The following PEBP4 variants were observed in gnomAD, a reference collection of about 807,000 sequenced individuals.
PEBP4 encodes phosphatidylethanolamine-binding protein 4.
In PEBP4, 22 loss-of-function variants were observed where a neutral mutation model predicts 23.9. The observed-to-expected ratio is 0.92, with a 90% confidence interval of 0.66 to 1.31. The LOEUF (loss-of-function observed/expected upper bound fraction) is 1.31. Ranked by LOEUF, PEBP4 falls within the 40% of genes most tolerant of loss-of-function variation. PEBP4 has a pLI of 0.00. For missense variants in PEBP4, 324 were observed against 281.7 expected (o/e 1.15, Z -1.07); for synonymous variants, 112 against 99.3 (o/e 1.13, Z -0.76).
rs376099667 is a variant in PEBP4 at position 22,883,622 on chromosome 8, G to A, written c.258+36562C>T. Among the ~76,000 whole-genome samples, 125 of 152,266 alleles carry A rather than the reference G, an allele frequency of 8.2e-4. 1 individual carries two copies. In the South Asian group the frequency reaches 0.022, roughly 26 times the overall value. On this transcript the variant is annotated intron_variant, in intron 3 of 6. Coordinates refer to ENST00000256404, the MANE Select transcript of PEBP4 (RefSeq NM_144962.3). ...GCTAATGAGTCGTCTTGAACCTTGC[G>A]TGGTGTTACCTCTAATTTTGCAGCC... is the stretch of plus-strand genomic sequence containing the variant.
At chr8:22,793,070 A>C (rs1806172742) in intron 4 of PEBP4, among the ~76,000 whole-genome samples, 1 of 152,178 alleles carries the variant, frequency 6.6e-6, no homozygotes, top group African/African-American at 2.4e-5. Context: ...TATAAAAATC[A>C]CTCATAATCG....
rs367814542 is a variant in PEBP4 at position 22,763,409 on chromosome 8, G to C, written c.358-36189C>G. Among the ~76,000 whole-genome samples, 460 of 152,306 alleles carry C rather than the reference G, an allele frequency of 3.0e-3. 4 individuals carry two copies. Among genetic ancestry groups the C allele is most frequent in the African/African-American group, 0.011 (440 of 41,562 alleles). On this transcript the variant is annotated intron_variant, in intron 4 of 6. Transcript: ENST00000256404. ...GCTCTGGACACTGCCTCCAATCCCC[G>C]ACAGCGGTCAGATCATCACTGTGTA...
chr8:22,839,990 G>A (rs1807289415), intron 3 of PEBP4, among the ~76,000 whole-genome samples: 2 of 152,224 alleles, frequency 1.3e-5, no homozygotes, highest in Non-Finnish European at 2.9e-5. Flanking sequence ...TCAAGGAAGT[G>A]TTTTCATTTA....
intron 3 of PEBP4, chr8:22,888,077 G>T (rs554911421): frequency 1.3e-5 from 2 of 151,946 alleles, no homozygotes; most frequent in African/African-American, 4.8e-5. Flanking sequence ...GGCCTGCAGG[G>T]GACTCCACAC....
chr8:22,734,145 C>T (rs1396836817), intron 4 of PEBP4, among the ~76,000 whole-genome samples: 5 of 152,322 alleles, frequency 3.3e-5, no homozygotes, highest in African/African-American at 4.8e-5. Context: ...TCTGTGTATT[C>T]GGCAATTAAC....
At position 22,920,247 on chromosome 8, in the gene PEBP4, G is replaced by C. The variant is rs559505863; in HGVS notation, c.195C>G (p.Asn65Lys). The change falls in exon 3 of 7, where the codon AAC becomes AAG. Residue 65 changes from asparagine to lysine, a missense_variant. By Grantham distance (94) the Asn-to-Lys change is moderately conservative. Transcript: ENST00000256404. ...AGGAGGTGATCTTCTGTCTGTAGTTGTTACAATCAGGAACAACCTTGCAGC... is the reference window on the plus strand; with the variant it reads ...AGGAGGTGATCTTCTGTCTGTAGTTCTTACAATCAGGAACAACCTTGCAGC... ...NIGCKVVPDCNNYRQKITSWM... is the reference protein window; with the variant it reads ...NIGCKVVPDCKNYRQKITSWM... 1.7e-5 allele frequency: 27 copies of C among 1,613,854 alleles called. No individual in the cohort carries two copies. In the East Asian group the frequency reaches 5.1e-4, roughly 31 times the overall value.
chr8:22,808,016 C>A (rs1806538031), intron 4 of PEBP4, among the ~76,000 whole-genome samples: 1 of 152,108 alleles, frequency 6.6e-6, no homozygotes, highest in Admixed American at 6.6e-5. Context: ...ATCCACCTAC[C>A]TACCTAATCT....
chr8:22,926,514 T>A (rs1373478049), intron 2 of PEBP4, among the ~76,000 whole-genome samples: 2 of 152,036 alleles, frequency 1.3e-5, no homozygotes, highest in Non-Finnish European at 2.9e-5. Context: ...TTGGCTAGTT[T>A]TTAAACTGTT....
At chr8:22,740,001 T>C (rs1197773429) in intron 4 of PEBP4, among the ~76,000 whole-genome samples, 1 of 152,152 alleles carries the variant, frequency 6.6e-6, no homozygotes, top group African/African-American at 2.4e-5. Context: ...CTCGTTCTGT[T>C]CTCTGCTTTG....
intron 3 of PEBP4, among the ~76,000 whole-genome samples, chr8:22,880,748 C>A (rs1808235900): frequency 6.6e-6 from 1 of 152,216 alleles, no homozygotes; most frequent in Non-Finnish European, 1.5e-5. Flanking sequence ...TGGAGTGGCC[C>A]AGGTGGACCA....
At chr8:22,768,545 C>G (rs1201187686) in intron 4 of PEBP4, among the ~76,000 whole-genome samples, 1 of 152,182 alleles carries the variant, frequency 6.6e-6, no homozygotes, top group East Asian at 1.9e-4. Flanking sequence ...CGGTGCGGAG[C>G]TCATTTTGTT....
chr8:22,826,034 T>A (rs1806959908), intron 3 of PEBP4, among the ~76,000 whole-genome samples: 2 of 151,928 alleles, frequency 1.3e-5, no homozygotes, highest in South Asian at 4.2e-4. Context: ...TGGCGTGGGG[T>A]GGTGGGGGGA....
intron 4 of PEBP4, among the ~76,000 whole-genome samples, chr8:22,728,559 T>TCTTCCTTCCTTC (rs3029509): frequency 0.021 from 2,053 of 96,164 alleles, 63 homozygotes; most frequent in African/African-American, 0.043. Context: ...TTTCTTTCTT[T>TCTTCCTTCCTTC]CTTCCTTCCT....
intron 4 of PEBP4, among the ~76,000 whole-genome samples, chr8:22,731,546 T>C (rs749920276): frequency 2.0e-5 from 3 of 152,212 alleles, no homozygotes; most frequent in Non-Finnish European, 1.5e-5. Flanking sequence ...GTAGTTAAAT[T>C]TGGGGAGAGT....
intron 4 of PEBP4, among the ~76,000 whole-genome samples, chr8:22,802,674 G>A (rs561918331): frequency 6.6e-6 from 1 of 152,196 alleles, no homozygotes; most frequent in South Asian, 2.1e-4. Context: ...CTCTAATAAC[G>A]CCAATCTCAT....
chr8:22,911,674 T>C (rs1808941300), intron 3 of PEBP4, among the ~76,000 whole-genome samples: 2 of 152,222 alleles, frequency 1.3e-5, no homozygotes, highest in African/African-American at 4.8e-5. Context: ...GGCCGGCAGC[T>C]ATTTTAAAAT....
In PEBP4 at chr8:22,804,045, G is replaced by T. The variant is rs559305724; in HGVS notation, c.357+13592C>A. Among the ~76,000 whole-genome samples the T allele has an allele frequency of 2.6e-4, 40 of 152,256 alleles. 1 individual carries two copies. In the South Asian group the frequency reaches 6.4e-3, roughly 24 times the overall value. ...TAGATCTTTTAAAAGTGCAAGGCAG[G>T]GGCTGGGTGCGGTGGCTCACATCTG... On this transcript the variant is annotated intron_variant, in intron 4 of 6. Transcript: ENST00000256404.
intron 3 of PEBP4, among the ~76,000 whole-genome samples, chr8:22,901,325 T>C (rs1218371197): frequency 6.6e-6 from 1 of 152,186 alleles, no homozygotes; most frequent in African/African-American, 2.4e-5. Context: ...TGGCTTATTA[T>C]AGACGTGATG....
intron 4 of PEBP4, among the ~76,000 whole-genome samples, chr8:22,751,645 TG>T (rs1805267801): frequency 6.7e-6 from 1 of 148,874 alleles, no homozygotes; most frequent in African/African-American, 2.5e-5. Context: ...TGTGTGTGTG[TG>T]TGTGTGTGTG....
Sources: allele counts gnomAD v4.1 joint callset (sites outside exome capture counted in the v4.1 genomes callset), GRCh38; gene constraint gnomAD v4.1.1; transcripts MANE v1.5; gene names NCBI Gene and HGNC (gene_info 2026-07-23, HGNC 2026-07-21).